The following TMC1 variants were observed in gnomAD, a reference collection of about 807,000 sequenced individuals.
The protein encoded by TMC1 is transmembrane channel like 1.
A neutral mutation model predicts 105.8 loss-of-function variants in TMC1; 84 were observed. That is an observed-to-expected ratio of 0.79 (90% CI 0.67 to 0.95). The LOEUF is 0.95. TMC1 is among the 40% of genes least tolerant of loss of function. The pLI, the probability that TMC1 is intolerant of heterozygous loss-of-function variation, is 0.00. For synonymous variants in TMC1, 315 were observed against 311.5 expected (o/e 1.01, Z -0.12); for missense variants, 817 against 914.1 (o/e 0.89, Z 1.37).
intron 3 of TMC1, among the ~76,000 whole-genome samples, chr9:72,627,046 T>TGGG (rs140273783): frequency 2.7e-5 from 4 of 149,280 alleles, no homozygotes; most frequent in African/African-American, 7.4e-5. Context: ...TTTTTTTTTT[T>TGGG]GGGTCTGTCA....
At chr9:72,761,010 T>G (rs774745634) in intron 12 of TMC1, among the ~76,000 whole-genome samples, 2 of 152,206 alleles carry the variant, frequency 1.3e-5, no homozygotes, top group Non-Finnish European at 2.9e-5. Flanking sequence ...CTTTTCAAAG[T>G]CAGAATTTAC....
intron 7 of TMC1, among the ~76,000 whole-genome samples, chr9:72,695,481 A>AC (rs1826533401): frequency 6.6e-6 from 1 of 152,078 alleles, no homozygotes. Context: ...GAAAACCTAG[A>AC]CCCCTTGGAA....
At chr9:72,798,986 A>G (rs908706025) in intron 17 of TMC1, among the ~76,000 whole-genome samples, 18 of 152,096 alleles carry the variant, frequency 1.2e-4, no homozygotes, top group African/African-American at 4.3e-4. Context: ...ACCCCAGCCC[A>G]AGACTAGCCA....
chr9:72,570,154 G>T (rs1333461444), intron 1 of TMC1, among the ~76,000 whole-genome samples: 1 of 151,674 alleles, frequency 6.6e-6, no homozygotes, highest in African/African-American at 2.4e-5. Context: ...GTTAGTTATT[G>T]GCTTCTGAGA....
intron 1 of TMC1, among the ~76,000 whole-genome samples, chr9:72,525,987 C>A (rs75872252): frequency 7.4e-4 from 101 of 137,326 alleles, no homozygotes; most frequent in East Asian, 1.1e-3. Context: ...GACTCCGTCT[C>A]AAAAAAAAAA....
At chr9:72,594,596 G>A (rs958158889) in intron 2 of TMC1, among the ~76,000 whole-genome samples, 1 of 152,088 alleles carries the variant, frequency 6.6e-6, no homozygotes, top group Non-Finnish European at 1.5e-5. Flanking sequence ...GGCCTGTTTC[G>A]CTATGATAAT....
chr9:72,611,760 G>T (rs1403877575), intron 2 of TMC1, among the ~76,000 whole-genome samples: 1 of 152,162 alleles, frequency 6.6e-6, no homozygotes, highest in Non-Finnish European at 1.5e-5. Flanking sequence ...AAGGTCTTGG[G>T]TGGGATTTTC....
At chr9:72,543,983 G>A (rs1423097851) in intron 1 of TMC1, among the ~76,000 whole-genome samples, 6 of 125,674 alleles carry the variant, frequency 4.8e-5, no homozygotes, top group Non-Finnish European at 9.6e-5. Flanking sequence ...ATGGAGTCTC[G>A]TTCTTTCACC....
chr9:72,641,252 C>A (rs916018775), intron 4 of TMC1, among the ~76,000 whole-genome samples: 1 of 152,106 alleles, frequency 6.6e-6, no homozygotes, highest in Non-Finnish European at 1.5e-5. Flanking sequence ...AGCCACCATG[C>A]CCAACTAATT....
chr9:72,734,035 A>G (rs918423367), intron 8 of TMC1, among the ~76,000 whole-genome samples: 5 of 152,204 alleles, frequency 3.3e-5, no homozygotes, highest in Admixed American at 2.0e-4. Context: ...CTGAGAACCC[A>G]GAGGGCTACT....
chr9:72,689,469 G>A (rs1160289357), intron 6 of TMC1, among the ~76,000 whole-genome samples: 1 of 151,804 alleles, frequency 6.6e-6, no homozygotes, highest in Non-Finnish European at 1.5e-5. Flanking sequence ...GATCTATAAT[G>A]TTGTTCATGA....
intron 10 of TMC1, among the ~76,000 whole-genome samples, chr9:72,750,948 C>T (rs1357258387): frequency 1.3e-5 from 2 of 152,312 alleles, no homozygotes; most frequent in Middle Eastern, 3.4e-3. Flanking sequence ...TTCCCCAGCT[C>T]AGCATGTTGC....
chr9:72,789,419 A>G, intron 15 of TMC1, 102 bp downstream of exon 15: 2 of 1,103,560 alleles, frequency 1.8e-6, no homozygotes, highest in Non-Finnish European at 2.7e-6. Context: ...CCCTTTACCT[A>G]TCCCCTATCC....
In TMC1 at chr9:72,572,440, C is replaced by T. The variant is rs79539375; in HGVS notation, c.-427-5462C>T. On this transcript the variant is annotated intron_variant, in intron 1 of 23. Coordinates refer to ENST00000297784, the MANE Select transcript of TMC1 (RefSeq NM_138691.3). Reference sequence around the variant, plus strand: ...GAACTGCTGGCTTCGAGCAATTTGCCCGCCTTGGCCTCCAAACTCTCTTTA... The same window carrying T: ...GAACTGCTGGCTTCGAGCAATTTGCTCGCCTTGGCCTCCAAACTCTCTTTA... 4.6e-5 allele frequency among the ~76,000 whole-genome samples: 7 copies of T among 152,192 alleles called. No homozygotes were observed. In the East Asian group the frequency reaches 1.2e-3, roughly 25 times the overall value.
At chr9:72,743,026 A>G (rs1474148222) in intron 10 of TMC1, among the ~76,000 whole-genome samples, 2 of 152,142 alleles carry the variant, frequency 1.3e-5, no homozygotes, top group Non-Finnish European at 2.9e-5. Context: ...ACTTGAGGTC[A>G]GGAGTTCGAG....
chr9:72,762,121 G>A (rs79819082), intron 12 of TMC1, among the ~76,000 whole-genome samples: 15,565 of 152,186 alleles, frequency 0.1, 892 homozygotes, highest in Non-Finnish European at 0.14. Context: ...GAAGGATTTA[G>A]GAAGAGTCTC....
At position 72,792,287 on chromosome 9, in the gene TMC1, C is replaced by G. The variant is rs1370337426; in HGVS notation, c.1501C>G (p.Pro501Ala). The change falls in exon 17 of 24, where the codon CCA (proline) becomes GCA (alanine). Residue 501 changes from proline to alanine, a missense_variant. Physicochemically the swap from Pro to Ala is conservative, Grantham distance 27. Transcript: ENST00000297784. ...ATCATTCTCTGAAAATAGCACTGGA[C>G]CACCCTTTTTTGTTCACCCTGCAGA... ...NASFSENSTG[P>A]PFFVHPADVP... The G allele has an allele frequency of 6.2e-7, 1 of 1,614,096 alleles. No individual in the cohort carries two copies. Among genetic ancestry groups the G allele is most frequent in the South Asian group, 1.1e-5 (1 of 91,086 alleles).
chr9:72,627,894 T>C, intron 3 of TMC1, 27 bp from the exon 4 acceptor site: 1 of 380,052 alleles, frequency 2.6e-6, no homozygotes, highest in South Asian at 1.9e-5. Context: ...AAAATCTGTA[T>C]TGGATTTTTT....
chr9:72,741,539 C>T (rs1796997), intron 9 of TMC1: 99,046 of 172,850 alleles, frequency 0.57, 30,583 homozygotes, highest in African/African-American at 0.84. Flanking sequence ...TCTTGGACTT[C>T]GCATTTTCTA....
Sources: allele counts gnomAD v4.1 joint callset (sites outside exome capture counted in the v4.1 genomes callset), GRCh38; gene constraint gnomAD v4.1.1; transcripts MANE v1.5; gene names NCBI Gene and HGNC (gene_info 2026-07-23, HGNC 2026-07-21).